KLHL1: variants seen among roughly 807,000 people sequenced by gnomAD.
KLHL1 encodes kelch like family member 1.
In KLHL1, 47 loss-of-function variants were observed where a neutral mutation model predicts 77.7. The ratio of observed to expected loss-of-function variants is 0.60; its 90% CI spans 0.48 to 0.77. KLHL1 has a LOEUF of 0.77. KLHL1 is among the 30% of genes least tolerant of loss of function. The pLI, the probability that KLHL1 is intolerant of heterozygous loss-of-function variation, is 0.00. For missense variants in KLHL1, 925 were observed against 910.8 expected, an observed-to-expected ratio of 1.02 and a Z score of -0.20; for synonymous variants, 360 against 325.2, an observed-to-expected ratio of 1.11 and a Z score of -1.15.
intron 1 of KLHL1, among the ~76,000 whole-genome samples, chr13:70,017,254 C>T (rs1368001991): frequency 6.6e-6 from 1 of 152,184 alleles, no homozygotes; most frequent in Non-Finnish European, 1.5e-5. Flanking sequence ...AGAGCTGAGG[C>T]CCTTTGGGAA....
chr13:69,727,999 C>T (rs1227776200), intron 8 of KLHL1, among the ~76,000 whole-genome samples: 1 of 152,034 alleles, frequency 6.6e-6, no homozygotes, highest in Non-Finnish European at 1.5e-5. Context: ...ATGATTCCCC[C>T]CATCACATAT....
chr13:69,841,532 A>G (rs1345251911), intron 5 of KLHL1, among the ~76,000 whole-genome samples: 1 of 151,932 alleles, frequency 6.6e-6, no homozygotes, highest in South Asian at 2.1e-4. Context: ...GGAAAATTAC[A>G]AAACACTAAT....
At chr13:69,813,481 T>TAC (rs141973704) in intron 6 of KLHL1, among the ~76,000 whole-genome samples, 2,200 of 146,336 alleles carry the variant, frequency 0.015, 43 homozygotes, top group African/African-American at 0.042. Flanking sequence ...TACACACACA[T>TAC]ACACACACAC....
At chr13:69,703,871 C>A (rs1875512304) in intron 10 of KLHL1, among the ~76,000 whole-genome samples, 1 of 151,552 alleles carries the variant, frequency 6.6e-6, no homozygotes, top group Non-Finnish European at 1.5e-5. Flanking sequence ...CTGGGTTGGT[C>A]TAAGTATACT....
rs2501212 is a variant in KLHL1 at position 69,940,372 on chromosome 13, C to T, written c.818-136G>A. The T allele has an allele frequency of 2.2e-3, 1,288 of 579,478 alleles. 16 individuals are homozygous for T. Among genetic ancestry groups the T allele is most frequent in the African/African-American group, 0.022 (1,148 of 51,704 alleles). 35.9% of individuals were successfully genotyped at this position (579,478 alleles called of 1,614,324 possible). A position where few individuals can be genotyped will look rare whatever the true frequency, so the allele number is the denominator to read the frequency against. On this transcript the variant is annotated intron_variant, in intron 3 of 10. Coordinates refer to ENST00000377844, the MANE Select transcript of KLHL1 (RefSeq NM_020866.3). ...ATTGGTAATCAAGATAAATATAACTCGGTAAAGGTCACCAATTGTTTTAAG... is the reference window on the plus strand; with the variant it reads ...ATTGGTAATCAAGATAAATATAACTTGGTAAAGGTCACCAATTGTTTTAAG...
chr13:69,963,878 A>T (rs951725733), intron 2 of KLHL1, among the ~76,000 whole-genome samples: 19 of 53,538 alleles, frequency 3.5e-4, no homozygotes, highest in African/African-American at 9.0e-4. Context: ...GGCAAAAAAT[A>T]AAAAAACATA....
intron 1 of KLHL1, among the ~76,000 whole-genome samples, chr13:69,999,004 C>T (rs1023810766): frequency 6.6e-6 from 1 of 152,030 alleles, no homozygotes; most frequent in Non-Finnish European, 1.5e-5. Flanking sequence ...AGGTCACTGA[C>T]ACTTCTTTTC....
intron 8 of KLHL1, among the ~76,000 whole-genome samples, chr13:69,733,973 A>G (rs1157824199): frequency 1.3e-5 from 2 of 152,178 alleles, no homozygotes; most frequent in African/African-American, 4.8e-5. Flanking sequence ...AGTTGAGTGT[A>G]GGAGAATGAA....
At chr13:70,030,451 A>G (rs1043933469) in intron 1 of KLHL1, among the ~76,000 whole-genome samples, 41 of 152,134 alleles carry the variant, frequency 2.7e-4, no homozygotes, top group South Asian at 2.1e-4. Context: ...ACTCAAAACC[A>G]CTCAACTACA....
intron 7 of KLHL1, among the ~76,000 whole-genome samples, chr13:69,791,686 A>G (rs1876880969): frequency 6.6e-6 from 1 of 152,144 alleles, no homozygotes; most frequent in Non-Finnish European, 1.5e-5. Context: ...GTGGGAAAGA[A>G]AGGTCTTTTC....
chr13:70,007,452 A>G (rs889434432), intron 1 of KLHL1, among the ~76,000 whole-genome samples: 1 of 151,942 alleles, frequency 6.6e-6, no homozygotes, highest in Non-Finnish European at 1.5e-5. Context: ...CTCAAAAAAA[A>G]AAACACAAGT....
Position 69,873,392 on chromosome 13 carries a change from C to T in KLHL1, c.1227+8891G>A, listed in dbSNP as rs141620103. ...TTCAACAATTCTATTCTCTCTCTCT[C>T]AAATTAGGTATTAGAGGAACTTTGA... On this transcript the variant is annotated intron_variant, in intron 5 of 10. Transcript: ENST00000377844. Among the ~76,000 whole-genome samples, 559 of 152,222 alleles carry T rather than the reference C, an allele frequency of 3.7e-3. 6 individuals are homozygous for T. The highest frequency in any genetic ancestry group is 0.013 in the African/African-American group (530 of 41,524).
chr13:69,863,408 C>G (rs904407197), intron 5 of KLHL1, among the ~76,000 whole-genome samples: 7 of 76,538 alleles, frequency 9.1e-5, no homozygotes, highest in African/African-American at 4.2e-4. Context: ...GGTCTGAAAA[C>G]ATATGTCGTT....
intron 1 of KLHL1, among the ~76,000 whole-genome samples, chr13:70,099,189 T>C (rs542402094): frequency 6.6e-6 from 1 of 152,014 alleles, no homozygotes; most frequent in South Asian, 2.1e-4. Flanking sequence ...TTTTGTAAAT[T>C]GCACTATACA....
intron 7 of KLHL1, among the ~76,000 whole-genome samples, chr13:69,757,418 T>A (rs1874799653): frequency 1.3e-5 from 2 of 152,182 alleles, no homozygotes; most frequent in African/African-American, 2.4e-5. Context: ...CACATATTAA[T>A]AATATATCCA....
At chr13:70,054,047 ATTC>A (rs1350234355) in intron 1 of KLHL1, among the ~76,000 whole-genome samples, 12 of 152,110 alleles carry the variant, frequency 7.9e-5, no homozygotes, top group African/African-American at 2.7e-4. Context: ...TATTAAAAAC[ATTC>A]TTTTAATGGC....
chr13:69,962,809 T>C (rs1884107422), intron 2 of KLHL1, among the ~76,000 whole-genome samples: 1 of 152,124 alleles, frequency 6.6e-6, no homozygotes, highest in South Asian at 2.1e-4. Context: ...AGCTGGGAGC[T>C]ACAACTCTTT....
chr13:70,001,581 GTCTATCTATCTATCTATCTA>G (rs71116971), intron 1 of KLHL1, among the ~76,000 whole-genome samples: 1 of 146,618 alleles, frequency 6.8e-6, no homozygotes, highest in East Asian at 2.1e-4. Flanking sequence ...TGATCTATGT[GTCTATCTATCTATCTATCTA>G]TCTATCTATC....
rs571982105 is a variant in KLHL1 at position 69,910,983 on chromosome 13, C to G, written c.1015-28488G>C. 3.8e-4 allele frequency among the ~76,000 whole-genome samples: 58 copies of G among 152,158 alleles called. 1 individual carries two copies. In the South Asian group the frequency reaches 0.012, roughly 31 times the overall value. ...CACCTCTATAGGCAAGAATAATCTG[C>G]AGTACTATCAGCAATGCAAATACTT... On this transcript the variant is annotated intron_variant, in intron 4 of 10. Transcript: ENST00000377844.
Sources: gnomAD v4.1 joint callset for allele counts (sites outside exome capture counted in the v4.1 genomes callset) on GRCh38, gnomAD v4.1.1 for gene constraint, MANE v1.5 for transcripts, NCBI Gene and HGNC (gene_info 2026-07-23, HGNC 2026-07-21) for gene names.